The following DBX2 variants were observed in gnomAD, a reference collection of about 807,000 sequenced individuals.
DBX2 encodes developing brain homeobox 2.
Under a neutral mutation model 17.7 loss-of-function variants are expected in DBX2, and 16 were observed. The observed-to-expected ratio is 0.90, with a 90% CI of 0.61 to 1.37. The LOEUF (loss-of-function observed/expected upper bound fraction) is 1.37, where lower values mean the gene tolerates loss of function less well. DBX2 is among the 40% of genes most tolerant of loss of function. The probability of loss-of-function intolerance (pLI) is 0.00; values close to 1 mark genes in which losing one functional copy is unlikely to be tolerated. For synonymous variants in DBX2, 255 were observed against 183.8 expected (o/e 1.39, Z -3.13); for missense variants, 538 against 433.8 (o/e 1.24, Z -2.13).
intron 2 of DBX2, among the ~76,000 whole-genome samples, chr12:45,033,337 A>T (rs1002025851): frequency 2.0e-5 from 3 of 152,208 alleles, no homozygotes; most frequent in Non-Finnish European, 2.9e-5. Flanking sequence ...TTTAATATAA[A>T]CCTAATTTTG....
intron 2 of DBX2, 73 bp downstream of exon 2, chr12:45,035,946 C>T (rs1946437706): frequency 7.1e-7 from 1 of 1,414,988 alleles, no homozygotes. Flanking sequence ...ATTAGTTTTC[C>T]AGAGCACATT....
chr12:45,049,400 G>T (rs79795070), intron 1 of DBX2, among the ~76,000 whole-genome samples: 3,703 of 152,150 alleles, frequency 0.024, 157 homozygotes, highest in African/African-American at 0.082. Flanking sequence ...GTGCAAAAAA[G>T]GTTCCCTAGC....
Position 45,023,797 on chromosome 12 carries a change from C to T in DBX2, c.597G>A (p.Lys199=). The change falls in exon 3 of 4, where the codon AAG becomes AAA. Residue 199 remains lysine (K), a synonymous_variant. Transcript: ENST00000332700. ...RRAVFSEDQR[K]ALEKMFQKQK... is the part of the protein sequence containing the mutation. ...GTTTCTGAAACATTTTCTCCAGAGC[C>T]TTTCTCTGGTCCTCAGAAAAGACAG... 2.5e-6 allele frequency: 4 copies of T among 1,613,262 alleles called. No individual in the cohort carries two copies. Among genetic ancestry groups the T allele is most frequent in the Non-Finnish European group, 3.4e-6 (4 of 1,179,654 alleles).
In DBX2 at chr12:45,016,494, C is replaced by A; in HGVS notation, c.812G>T (p.Gly271Val). The A allele has an allele frequency of 6.2e-7, 1 of 1,613,796 alleles. No individual in the cohort carries two copies. The highest frequency in any genetic ancestry group is 8.5e-7 in the Non-Finnish European group (1 of 1,179,894). The change falls in exon 4 of 4, where the codon GGT becomes GTT. Residue 271 changes from glycine to valine, a missense_variant. Coordinates refer to ENST00000332700, the MANE Select transcript of DBX2 (RefSeq NM_001004329.3). ...QEDPLSRSAL[G>V]FPSPCPSIWD... Reference sequence around the variant, plus strand: ...TATTGAAGGACATGGAGAAGGGAAACCCAGAGCAGACCGTGAGAGGGGATC... The same window carrying A: ...TATTGAAGGACATGGAGAAGGGAAAACCAGAGCAGACCGTGAGAGGGGATC...
chr12:45,017,362 A>G (rs116273294), intron 3 of DBX2, among the ~76,000 whole-genome samples: 1,614 of 152,252 alleles, frequency 0.011, 25 homozygotes, highest in African/African-American at 0.037. Context: ...CTCATTTCAC[A>G]TGTTAAAAAA....
At chr12:45,022,871 TA>T (rs1946361271) in intron 3 of DBX2, among the ~76,000 whole-genome samples, 2 of 152,300 alleles carry the variant, frequency 1.3e-5, no homozygotes, top group South Asian at 4.1e-4. Flanking sequence ...ATTTTTAGGT[TA>T]AAGAGAACAC....
At chr12:45,048,257 C>T (rs1336719875) in intron 1 of DBX2, among the ~76,000 whole-genome samples, 3 of 152,062 alleles carry the variant, frequency 2.0e-5, no homozygotes, top group African/African-American at 7.2e-5. Context: ...ATGTGGTGCA[C>T]TCAACAAATT....
At chr12:45,048,486 G>C (rs186401459) in intron 1 of DBX2, among the ~76,000 whole-genome samples, 6 of 152,190 alleles carry the variant, frequency 3.9e-5, no homozygotes, top group Admixed American at 3.3e-4. Context: ...CCACCTGATA[G>C]AAAAAATTGT....
chr12:45,042,648 C>T (rs1052337139), intron 1 of DBX2, among the ~76,000 whole-genome samples: 2 of 152,154 alleles, frequency 1.3e-5, no homozygotes, highest in Non-Finnish European at 2.9e-5. Context: ...TTTAGGTTTT[C>T]CTCAATAGCT....
At position 45,016,146 on chromosome 12, in the gene DBX2, G is replaced by T. The variant is rs142804401; in HGVS notation, c.*140C>A. 1,117 of 838,072 alleles carry T rather than the reference G, an allele frequency of 1.3e-3. 20 individuals are homozygous for T. The East Asian group carries it at 0.027, about 21-fold the overall frequency. The allele number at this position is 838,072 out of a possible 1,614,324, so 51.9% of individuals were successfully genotyped here. A position where few individuals can be genotyped will look rare whatever the true frequency, so the allele number is the denominator to read the frequency against. ...GGGCCAAACAAGAGAACACTAGAGT[G>T]GGTTTCCTAAAGCATTAGTTCATAC... On this transcript the variant is annotated 3_prime_UTR_variant, in exon 4 of 4. Coordinates refer to ENST00000332700, the MANE Select transcript of DBX2 (RefSeq NM_001004329.3).
In DBX2 at chr12:45,016,436, T is replaced by C. The variant is rs750352902; in HGVS notation, c.870A>G (p.Arg290=). ...WDVPQQHSSP[R]WRENSPEPSE... is the part of the protein sequence containing the mutation. ...AAGGTTCTGGAGAATTCTCCCTCCATCTTGGACTTGAGTGCTGTTGGGGGA... is the reference window on the plus strand; with the variant it reads ...AAGGTTCTGGAGAATTCTCCCTCCACCTTGGACTTGAGTGCTGTTGGGGGA... Residue 290 remains arginine, a synonymous_variant, in exon 4 of 4, where the codon AGA becomes AGG. Coordinates refer to ENST00000332700, the MANE Select transcript of DBX2 (RefSeq NM_001004329.3). The C allele has an allele frequency of 5.0e-6, 8 of 1,613,910 alleles. No homozygotes were observed. Among genetic ancestry groups the C allele is most frequent in the East Asian group, 4.5e-5 (2 of 44,874 alleles).
intron 2 of DBX2, among the ~76,000 whole-genome samples, chr12:45,031,831 G>A (rs568177646): frequency 1.2e-4 from 18 of 152,134 alleles, no homozygotes; most frequent in African/African-American, 3.9e-4. Context: ...CTGACAGTAC[G>A]CTTTCCTGCT....
chr12:45,050,899 G>A lies in DBX2; in HGVS notation c.29C>T (p.Ala10Val). The A allele has an allele frequency of 1.3e-6, 2 of 1,513,288 alleles. No individual in the cohort carries two copies. The highest frequency in any genetic ancestry group is 1.8e-6 in the Non-Finnish European group (2 of 1,132,800). The allele number at this position is 1,513,288 out of a possible 1,614,324, so 93.7% of individuals were successfully genotyped here. ...AGCCACAACGTCCCAGTACGCACCG[G>A]CGTGGGCTGCGACCGCGCTGGGGAG... MLPSAVAAH[A>V]GAYWDVVASS... The change falls in exon 1 of 4, where the codon GCC becomes GTC. Residue 10 changes from alanine (A) to valine (V), a missense_variant. Ala to Val is a moderately conservative substitution (Grantham distance 64). Coordinates refer to ENST00000332700, the MANE Select transcript of DBX2 (RefSeq NM_001004329.3).
intron 1 of DBX2, among the ~76,000 whole-genome samples, chr12:45,041,829 T>C (rs142780794): frequency 1.3e-5 from 2 of 152,350 alleles, no homozygotes; most frequent in Non-Finnish European, 1.5e-5. Flanking sequence ...ATAATTTATA[T>C]TTTTTAATAT....
At position 45,050,421 on chromosome 12, in the gene DBX2, G is replaced by T. The variant is rs1270648673; in HGVS notation, c.403+104C>A. On this transcript the variant is annotated intron_variant, in intron 1 of 3. Transcript: ENST00000332700. ...AGATGCTCCAGGAAGTTCCCAAACC[G>T]GCTCTCCCTGGGCGCAGTGCGCACC... 7 of 1,432,078 alleles carry T rather than the reference G, an allele frequency of 4.9e-6. No homozygotes were observed. The East Asian group carries it at 1.3e-4, about 27-fold the overall frequency. The allele number at this position is 1,432,078 out of a possible 1,614,324, so 88.7% of individuals were successfully genotyped here.
intron 1 of DBX2, among the ~76,000 whole-genome samples, chr12:45,045,466 T>A (rs892048102): frequency 4.6e-5 from 7 of 152,224 alleles, no homozygotes; most frequent in African/African-American, 1.7e-4. Flanking sequence ...TAAACAGAAA[T>A]CATGCATGGA....
chr12:45,029,531 G>A (rs1429072601), intron 2 of DBX2, among the ~76,000 whole-genome samples: 1 of 152,194 alleles, frequency 6.6e-6, no homozygotes, highest in African/African-American at 2.4e-5. Flanking sequence ...GGCAGGGAAA[G>A]AAGTGGGAAA....
At chr12:45,046,901 C>T (rs11182808) in intron 1 of DBX2, among the ~76,000 whole-genome samples, 10,764 of 152,206 alleles carry the variant, frequency 0.071, 766 homozygotes, top group East Asian at 0.18. Context: ...AAAACAGCAG[C>T]TCAATTCACC....
chr12:45,029,879 AAAATAAAT>A (rs146831156), intron 2 of DBX2, among the ~76,000 whole-genome samples: 44 of 143,238 alleles, frequency 3.1e-4, no homozygotes, highest in Admixed American at 2.8e-4. Flanking sequence ...AAAAATAATA[AAAATAAAT>A]AAATAAATAA....
Sources: gnomAD v4.1 joint callset for allele counts (sites outside exome capture counted in the v4.1 genomes callset) on GRCh38, gnomAD v4.1.1 for gene constraint, MANE v1.5 for transcripts, NCBI Gene and HGNC (gene_info 2026-07-23, HGNC 2026-07-21) for gene names.